STYXL1: variants seen among roughly 807,000 people sequenced by gnomAD.
The protein encoded by STYXL1 is serine/threonine/tyrosine interacting like 1.
A neutral mutation model predicts 36.4 loss-of-function variants in STYXL1; 32 were observed. The ratio of observed to expected loss-of-function variants is 0.88; its 90% confidence interval spans 0.66 to 1.18. The LOEUF is 1.18. Among genes scored for constraint, STYXL1 ranks in the 50% most tolerant of loss-of-function variants. STYXL1 has a pLI of 0.00. For synonymous variants in STYXL1, 133 were observed against 144.1 expected (o/e 0.92, Z 0.55); for missense variants, 354 against 394.1 (o/e 0.90, Z 0.86).
intron 1 of STYXL1, among the ~76,000 whole-genome samples, chr7:76,036,463 G>A (rs1442765703): frequency 1.3e-5 from 2 of 150,026 alleles, no homozygotes; most frequent in Admixed American, 6.6e-5. Flanking sequence ...CTGATGTATC[G>A]TGCATTTACA....
At chr7:75,998,025 A>T (rs1227136682) in intron 8 of STYXL1, among the ~76,000 whole-genome samples, 1 of 152,204 alleles carries the variant, frequency 6.6e-6, no homozygotes, top group Non-Finnish European at 1.5e-5. Flanking sequence ...ACTCAAAGTA[A>T]TCCACAGGTT....
At chr7:76,029,515 A>G (rs1439569927) in intron 2 of STYXL1, among the ~76,000 whole-genome samples, 1 of 151,900 alleles carries the variant, frequency 6.6e-6, no homozygotes, top group African/African-American at 2.4e-5. Flanking sequence ...ATGGAAGACA[A>G]TTTTTCCACG....
At position 76,033,836 on chromosome 7, in the gene STYXL1, C is replaced by T. The variant is rs375596502; in HGVS notation, c.-4-3309G>A. Among the ~76,000 whole-genome samples, 5 of 152,304 alleles carry T rather than the reference C, an allele frequency of 3.3e-5. No homozygotes were observed. The East Asian group carries it at 5.8e-4, about 18-fold the overall frequency. ...CTCCACTTCTTCACCTCCAATTATG[C>T]TGTCCCTGGAGTCAAACTCTTTTAG... On this transcript the variant is annotated intron_variant, in intron 1 of 8. Coordinates refer to ENST00000359697, the MANE Select transcript of STYXL1 (RefSeq NM_001317785.2).
Position 76,030,505 on chromosome 7 carries a change from A to G in STYXL1, c.19T>C (p.Cys7Arg), listed in dbSNP as rs1284322966. Residue 7 changes from cysteine to arginine, a missense_variant, in exon 2 of 9, where the codon TGT (cysteine) becomes CGT (arginine). Transcript: ENST00000359697. ...ATGTTGTAAAGCTCTGTTGGTTCAC[A>G]TAAAAGCAAACCAGGCATCCTGCTG... MPGLLL[C>R]EPTELYNILN... 2 of 1,613,496 alleles carry G rather than the reference A, an allele frequency of 1.2e-6. No homozygotes were observed. The highest frequency in any genetic ancestry group is 1.3e-5 in the African/African-American group (1 of 74,930).
chr7:76,021,548 C>T (rs1326240677), intron 4 of STYXL1, among the ~76,000 whole-genome samples: 11 of 152,174 alleles, frequency 7.2e-5, no homozygotes, highest in African/African-American at 9.6e-5. Flanking sequence ...GCAGTTTCCA[C>T]GTCCTGATTA....
chr7:76,013,843 G>A lies in STYXL1; in HGVS notation c.352C>T (p.Arg118Cys), dbSNP rs782748308. ...AAIEYGRILT[R>C]LTHHPVYILK... is the part of the protein sequence containing the mutation. ...ATGTAGACGGGGTGGTGGGTGAGGC[G>A]GGTCAGGATCCTGCCATACTCAATG... Residue 118 changes from arginine (R) to cysteine (C), a missense_variant, in exon 5 of 9, where the codon CGC (arginine) becomes TGC (cysteine). Coordinates refer to ENST00000359697, the MANE Select transcript of STYXL1 (RefSeq NM_001317785.2). 9.9e-6 allele frequency: 16 copies of A among 1,613,840 alleles called. 1 individual carries two copies. The highest frequency in any genetic ancestry group is 9.9e-5 in the South Asian group (9 of 91,072).
In STYXL1 at chr7:76,046,375, T is replaced by C. The variant is rs183665680; in HGVS notation, c.-5+1287A>G. 6.0e-3 allele frequency among the ~76,000 whole-genome samples: 882 copies of C among 147,584 alleles called. 47 individuals carry two copies. Among genetic ancestry groups the C allele is most frequent in the Middle Eastern group, 0.017 (5 of 288 alleles). The stretch of plus-strand genomic sequence containing the variant: ...GCGCGCGCGCTTTTGAGCCGGAGTT[T>C]AGCTCTTATCACCCAGGATGGAGTA... On this transcript the variant is annotated intron_variant, in intron 1 of 8. Transcript: ENST00000359697.
intron 4 of STYXL1, among the ~76,000 whole-genome samples, chr7:76,020,189 G>T (rs1436325928): frequency 6.6e-6 from 1 of 152,166 alleles, no homozygotes; most frequent in African/African-American, 2.4e-5. Flanking sequence ...TCCTAGGATT[G>T]CAGACCAGAG....
At chr7:76,003,600 A>G in intron 7 of STYXL1, 158 bp downstream of exon 7, 1 of 650,356 alleles carries the variant, frequency 1.5e-6, no homozygotes, top group Non-Finnish European at 2.6e-6. Context: ...CGTGTCCTGG[A>G]GCTTGTCCCA....
intron 5 of STYXL1, among the ~76,000 whole-genome samples, chr7:76,013,408 GTTT>G (rs781872577): frequency 6.8e-6 from 1 of 147,028 alleles, no homozygotes; most frequent in Non-Finnish European, 1.5e-5. Context: ...TCCAGATCTA[GTTT>G]TTTTTTTGTT....
chr7:76,038,948 A>C (rs1159920217), intron 1 of STYXL1, among the ~76,000 whole-genome samples: 4 of 26,572 alleles, frequency 1.5e-4, no homozygotes, highest in Non-Finnish European at 7.4e-5. Context: ...CATCATGCCT[A>C]ATTTTTTTTT....
At chr7:76,010,491 T>C (rs901451256) in intron 5 of STYXL1, among the ~76,000 whole-genome samples, 2 of 152,036 alleles carry the variant, frequency 1.3e-5, no homozygotes, top group Non-Finnish European at 1.5e-5. Context: ...TTGGAGGAGA[T>C]GCCTGGCAGG....
rs782742797 is a variant in STYXL1 at position 76,013,325 on chromosome 7, C to CAA, written c.453+415_453+416dup. Reference sequence around the variant, plus strand: ...TGGGCGACAGAGCGAGACTCCGTCTCAAAAAAAAAAAAAAAAAAGTGGAGG... The same window carrying CAA: ...TGGGCGACAGAGCGAGACTCCGTCTCAAAAAAAAAAAAAAAAAAAAGTGGAGG... On this transcript the variant is annotated intron_variant, in intron 5 of 8. Transcript: ENST00000359697. Among the ~76,000 whole-genome samples, 275 of 80,638 alleles carry CAA rather than the reference C, an allele frequency of 3.4e-3. 1 individual carries two copies. Among genetic ancestry groups the CAA allele is most frequent in the Admixed American group, 4.7e-3 (37 of 7,872 alleles). 52.9% of individuals were successfully genotyped at this position (80,638 alleles called of 152,430 possible).
At chr7:76,001,264 A>T (rs1554567144) in intron 7 of STYXL1, among the ~76,000 whole-genome samples, 1 of 152,204 alleles carries the variant, frequency 6.6e-6, no homozygotes, top group African/African-American at 2.4e-5. Context: ...CCTGAACTCC[A>T]GGTTTCTAGC....
At chr7:75,999,551 G>GTGTGTGTA (rs1421403301) in intron 8 of STYXL1, among the ~76,000 whole-genome samples, 20 of 80,130 alleles carry the variant, frequency 2.5e-4, no homozygotes, top group South Asian at 2.0e-3. Flanking sequence ...GTGTGTGTGT[G>GTGTGTGTA]TATATTTTTT....
rs995341484 is a variant in STYXL1, at chr7:76,039,195, C to T, written c.-5+8467G>A. Reference sequence around the variant, plus strand: ...TCGTGATCCACCCGCCTTGGCATCCCGAAGTGCTGGGATTACAGGCGTGAG... The same window carrying T: ...TCGTGATCCACCCGCCTTGGCATCCTGAAGTGCTGGGATTACAGGCGTGAG... On this transcript the variant is annotated intron_variant, in intron 1 of 8. Coordinates refer to ENST00000359697, the MANE Select transcript of STYXL1 (RefSeq NM_001317785.2). Among the ~76,000 whole-genome samples, 2 of 149,342 alleles carry T rather than the reference C, an allele frequency of 1.3e-5. 1 individual carries two copies. The highest frequency in any genetic ancestry group is 1.3e-4 in the Admixed American group (2 of 15,184).
At chr7:76,043,474 G>T (rs1554582673) in intron 1 of STYXL1, among the ~76,000 whole-genome samples, 1 of 151,956 alleles carries the variant, frequency 6.6e-6, no homozygotes, top group East Asian at 1.9e-4. Flanking sequence ...TGCCCAAGAG[G>T]GCCACCGAGA....
At position 76,018,927 on chromosome 7, in the gene STYXL1, T is replaced by C. The variant is rs555917315; in HGVS notation, c.307+2924A>G. 2.0e-5 allele frequency among the ~76,000 whole-genome samples: 3 copies of C among 152,370 alleles called. No individual in the cohort carries two copies. The South Asian group carries it at 6.2e-4, about 32-fold the overall frequency. On this transcript the variant is annotated intron_variant, in intron 4 of 8. Transcript: ENST00000359697. Reference sequence around the variant, plus strand: ...CTGTTTTCCAGTGACTGCACCATTTTACTTTCTGGTTCGCAGTGTATGAGG... The same window carrying C: ...CTGTTTTCCAGTGACTGCACCATTTCACTTTCTGGTTCGCAGTGTATGAGG...
At chr7:76,046,632 C>A (rs1319690943) in intron 1 of STYXL1, among the ~76,000 whole-genome samples, 1 of 137,786 alleles carries the variant, frequency 7.3e-6, no homozygotes, top group Non-Finnish European at 1.5e-5. Context: ...CAGGCATAAG[C>A]CACCACACCC....
Sources: allele counts gnomAD v4.1 joint callset (sites outside exome capture counted in the v4.1 genomes callset), GRCh38; gene constraint gnomAD v4.1.1; transcripts MANE v1.5; gene names NCBI Gene and HGNC (gene_info 2026-07-23, HGNC 2026-07-21).